The following PAAF1 variants were observed in gnomAD, a reference collection of about 807,000 sequenced individuals.
The protein encoded by PAAF1 is proteasomal ATPase associated factor 1.
PAAF1 carries 46 observed loss-of-function variants against 52.8 expected under a neutral mutation model. The ratio of observed to expected loss-of-function variants is 0.87; its 90% CI spans 0.69 to 1.11. PAAF1 has a LOEUF of 1.11. Among genes scored for constraint, PAAF1 ranks in the 50% most tolerant of loss-of-function variants. The pLI is 0.00. For synonymous variants in PAAF1, 178 were observed against 172.8 expected, an observed-to-expected ratio of 1.03 and a Z score of -0.24; for missense variants, 424 against 477.4, an observed-to-expected ratio of 0.89 and a Z score of 1.04.
intron 9 of PAAF1, among the ~76,000 whole-genome samples, chr11:73,918,513 G>A (rs568734274): frequency 7.0e-6 from 1 of 143,086 alleles, no homozygotes; most frequent in East Asian, 2.0e-4. Flanking sequence ...GTCTTGCTCT[G>A]TAGCCCAGGT....
At chr11:73,889,957 T>G (rs1272141244) in intron 3 of PAAF1, among the ~76,000 whole-genome samples, 1 of 152,254 alleles carries the variant, frequency 6.6e-6, no homozygotes, top group Admixed American at 6.5e-5. Context: ...GCATACTGAT[T>G]CAATGATGAG....
intron 6 of PAAF1, among the ~76,000 whole-genome samples, chr11:73,901,932 C>T (rs558088511): frequency 2.1e-5 from 3 of 145,720 alleles, no homozygotes; most frequent in East Asian, 2.0e-4. Context: ...GATGCCAGCT[C>T]GGCTCACTGC....
intron 11 of PAAF1, among the ~76,000 whole-genome samples, chr11:73,926,817 A>G (rs1950374726): frequency 6.6e-6 from 1 of 152,206 alleles, no homozygotes; most frequent in Non-Finnish European, 1.5e-5. Context: ...AAGTTGCCCT[A>G]GGTCATGCAG....
At chr11:73,907,081 C>CT (rs371142167) in intron 6 of PAAF1, among the ~76,000 whole-genome samples, 69 of 144,562 alleles carry the variant, frequency 4.8e-4, no homozygotes, top group East Asian at 6.0e-4. Flanking sequence ...TATTTTTTCT[C>CT]TTTTTTTTTT....
intron 6 of PAAF1, among the ~76,000 whole-genome samples, chr11:73,905,953 T>C (rs1949741940): frequency 6.6e-6 from 1 of 152,224 alleles, no homozygotes; most frequent in African/African-American, 2.4e-5. Context: ...CTGAAAGACC[T>C]TCCTTATGGT....
intron 9 of PAAF1, 29 bp downstream of exon 9, chr11:73,916,689 G>GAA: frequency 6.5e-7 from 1 of 1,539,190 alleles, no homozygotes; most frequent in Non-Finnish European, 9.0e-7. Flanking sequence ...ACATGATGCA[G>GAA]GTCTTCTGCA....
In PAAF1 at chr11:73,929,732, C is replaced by G. The variant is rs1950428828; in HGVS notation, c.*2370C>G. 1 of 152,230 alleles carries G rather than the reference C, an allele frequency of 6.6e-6. No homozygotes were observed. Among genetic ancestry groups the G allele is most frequent in the African/African-American group, 2.4e-5 (1 of 41,440 alleles). The allele number at this position is 152,230 out of a possible 1,614,324, so 9.4% of individuals were successfully genotyped here. A position where few individuals can be genotyped will look rare whatever the true frequency, so the allele number is the denominator to read the frequency against. On this transcript the variant is annotated 3_prime_UTR_variant, in exon 12 of 12. Coordinates refer to ENST00000310571, the MANE Select transcript of PAAF1 (RefSeq NM_025155.3). ...TTAGAAACATTAAATCCTAGGAGCT[C>G]CAGGTGGAACATCTAAGAAGTCAGA...
intron 2 of PAAF1, among the ~76,000 whole-genome samples, chr11:73,882,689 G>A (rs1044135021): frequency 2.0e-5 from 3 of 151,858 alleles, no homozygotes; most frequent in Non-Finnish European, 4.4e-5. Flanking sequence ...TGCAAGCTCC[G>A]CCTTCCAGGT....
chr11:73,918,569 C>G (rs1226209725), intron 9 of PAAF1, among the ~76,000 whole-genome samples: 1 of 151,086 alleles, frequency 6.6e-6, no homozygotes, highest in Non-Finnish European at 1.5e-5. Context: ...CTCCACCTCC[C>G]GGGTTCCCGC....
chr11:73,879,060 T>A, intron 2 of PAAF1: 1 of 314,162 alleles, frequency 3.2e-6, no homozygotes, highest in East Asian at 5.4e-5. Context: ...GCATCTTAAT[T>A]AGTCACTTAC....
At chr11:73,883,803 C>G (rs892305929) in intron 2 of PAAF1, among the ~76,000 whole-genome samples, 16 of 152,094 alleles carry the variant, frequency 1.1e-4, no homozygotes, top group African/African-American at 3.6e-4. Context: ...TTACAGGCAA[C>G]TTAGTATAAT....
chr11:73,903,151 C>T (rs778761043), intron 6 of PAAF1, among the ~76,000 whole-genome samples: 98 of 152,126 alleles, frequency 6.4e-4, no homozygotes, highest in Non-Finnish European at 1.2e-3. Flanking sequence ...GTAGATTGAA[C>T]GGAATGATAT....
At chr11:73,905,294 G>C (rs1949726247) in intron 6 of PAAF1, among the ~76,000 whole-genome samples, 2 of 151,906 alleles carry the variant, frequency 1.3e-5, no homozygotes, top group African/African-American at 2.4e-5. Flanking sequence ...CGTGATCTCA[G>C]CTCAGTGCAA....
intron 4 of PAAF1, among the ~76,000 whole-genome samples, chr11:73,897,304 C>G (rs886293558): frequency 1.3e-5 from 2 of 151,684 alleles, no homozygotes; most frequent in African/African-American, 4.8e-5. Context: ...ACTTCCCTCC[C>G]GGACGAGGTG....
At chr11:73,897,401 G>A (rs1662607575) in intron 4 of PAAF1, among the ~76,000 whole-genome samples, 1 of 150,686 alleles carries the variant, frequency 6.6e-6, no homozygotes, top group Non-Finnish European at 1.5e-5. Context: ...GGTGGCTGCT[G>A]GGCGGAGGGG....
Position 73,929,490 on chromosome 11 carries a change from C to T in PAAF1, c.*2128C>T, listed in dbSNP as rs1950426213. On this transcript the variant is annotated 3_prime_UTR_variant, in exon 12 of 12. Coordinates refer to ENST00000310571, the MANE Select transcript of PAAF1 (RefSeq NM_025155.3). ...ATTTATATATCTAATTCTTACAAGACTCAAAAAGCGAATGTTATTATTTGT... is the reference window on the plus strand; with the variant it reads ...ATTTATATATCTAATTCTTACAAGATTCAAAAAGCGAATGTTATTATTTGT... 1 of 152,158 alleles carries T rather than the reference C, an allele frequency of 6.6e-6. No homozygotes were observed. The highest frequency in any genetic ancestry group is 1.5e-5 in the Non-Finnish European group (1 of 68,042). The allele number at this position is 152,158 out of a possible 1,614,324, so 9.4% of individuals were successfully genotyped here.
At chr11:73,902,415 A>G (rs1949647342) in intron 6 of PAAF1, among the ~76,000 whole-genome samples, 1 of 152,198 alleles carries the variant, frequency 6.6e-6, no homozygotes, top group Non-Finnish European at 1.5e-5. Flanking sequence ...GAGCCAAAGT[A>G]GTCTAGAGGA....
In PAAF1 at chr11:73,918,352, A is replaced by ATTTTTT. The variant is rs1157984685; in HGVS notation, c.936-572_936-567dup. On this transcript the variant is annotated intron_variant, in intron 9 of 11. Coordinates refer to ENST00000310571, the MANE Select transcript of PAAF1 (RefSeq NM_025155.3). ...TTTCTTCCATCATTTCAGTTACTTA[A>ATTTTTT]TTTTTTTTTTTTTTTTTTTTTTTTT... 5.2e-4 allele frequency among the ~76,000 whole-genome samples: 37 copies of ATTTTTT among 71,732 alleles called. 1 individual carries two copies. The highest frequency in any genetic ancestry group is 7.0e-4 in the Non-Finnish European group (27 of 38,520). 47.1% of individuals were successfully genotyped at this position (71,732 alleles called of 152,430 possible). A position where few individuals can be genotyped will look rare whatever the true frequency, so the allele number is the denominator to read the frequency against.
At chr11:73,892,126 C>G (rs1456796301) in intron 4 of PAAF1, among the ~76,000 whole-genome samples, 6 of 151,964 alleles carry the variant, frequency 3.9e-5, no homozygotes, top group African/African-American at 1.4e-4. Context: ...AGTTCAAGAC[C>G]AGCCTGAGCA....
Sources: allele counts gnomAD v4.1 joint callset (sites outside exome capture counted in the v4.1 genomes callset), GRCh38; gene constraint gnomAD v4.1.1; transcripts MANE v1.5; gene names NCBI Gene and HGNC (gene_info 2026-07-23, HGNC 2026-07-21).